The following WDR5 variants were observed in gnomAD, a reference collection of about 807,000 sequenced individuals.
WDR5 encodes WD repeat-containing protein 5.
For synonymous variants in WDR5, 144 were observed against 161.6 expected (o/e 0.89, Z 0.83); for missense variants, 187 against 416.9 (o/e 0.45, Z 4.80).
intron 8 of WDR5, among the ~76,000 whole-genome samples, chr9:134,150,920 G>A (rs1832456047): frequency 6.6e-6 from 1 of 152,216 alleles, no homozygotes; most frequent in Admixed American, 6.5e-5. Context: ...CATTTTAACA[G>A]TGACAAAAAT....
At chr9:134,147,228 T>C (rs2132553234) in intron 7 of WDR5, among the ~76,000 whole-genome samples, 1 of 152,358 alleles carries the variant, frequency 6.6e-6, no homozygotes, top group South Asian at 2.1e-4. Flanking sequence ...TGGCAGGCTC[T>C]TGCAGAGTCT....
intron 10 of WDR5, 131 bp downstream of exon 10, chr9:134,154,672 G>T: frequency 9.5e-7 from 1 of 1,050,492 alleles, no homozygotes; most frequent in Middle Eastern, 2.2e-4. Context: ...TGGAGCTTCG[G>T]CTTCTGGGCA....
upstream of WDR5, chr9:134,135,285 T>TG (rs1249103503): frequency 6.6e-6 from 1 of 152,160 alleles, no homozygotes; most frequent in Non-Finnish European, 1.5e-5. Context: ...AGTCCTCCTC[T>TG]GGGGACCACC....
intron 5 of WDR5, 83 bp from the exon 6 acceptor site, chr9:134,142,250 A>G (rs1588169960): frequency 6.9e-7 from 1 of 1,451,156 alleles, no homozygotes; most frequent in Non-Finnish European, 9.6e-7. Flanking sequence ...ATGCTTTGGG[A>G]TGTCAGACAT....
chr9:134,152,299 C>T (rs1832537097), intron 9 of WDR5, among the ~76,000 whole-genome samples: 1 of 152,242 alleles, frequency 6.6e-6, no homozygotes. Flanking sequence ...ACTCCGGCTG[C>T]TCACTGGAGT....
At chr9:134,141,350 A>T (rs2132532033) in intron 3 of WDR5, among the ~76,000 whole-genome samples, 160 bp from the exon 4 acceptor site, 1 of 152,242 alleles carries the variant, frequency 6.6e-6, no homozygotes, top group South Asian at 2.1e-4. Context: ...GGGGAAGGGG[A>T]CTGGTCCTCT....
chr9:134,153,531 A>T (rs1832597942), intron 9 of WDR5, among the ~76,000 whole-genome samples: 1 of 152,036 alleles, frequency 6.6e-6, no homozygotes, highest in African/African-American at 2.4e-5. Context: ...CCTCACTGTG[A>T]CCTCGGCCTG....
chr9:134,137,582 G>A (rs1051023123), intron 1 of WDR5, among the ~76,000 whole-genome samples: 8 of 150,884 alleles, frequency 5.3e-5, no homozygotes, highest in African/African-American at 2.0e-4. Context: ...TAAACTGGAG[G>A]CTGAGGCGCA....
In WDR5 at chr9:134,141,883, T is replaced by C; in HGVS notation, c.265-66T>C. 8 of 1,490,866 alleles carry C rather than the reference T, an allele frequency of 5.4e-6. No individual in the cohort carries two copies. The South Asian group carries it at 8.0e-5, about 15-fold the overall frequency. The allele number at this position is 1,490,866 out of a possible 1,614,324, so 92.4% of individuals were successfully genotyped here. The stretch of plus-strand genomic sequence containing the variant: ...TGAGGGCAATGGGGATGTTTGGGAT[T>C]TTGACCTTTTGCCGATGGTCCTATT... On this transcript the variant is annotated intron_variant, in intron 4 of 13. Transcript: ENST00000358625.
chr9:134,142,258 C>A, intron 5 of WDR5, 75 bp from the exon 6 acceptor site: 2 of 1,489,326 alleles, frequency 1.3e-6, no homozygotes, highest in Non-Finnish European at 1.9e-6. Context: ...GGATGTCAGA[C>A]ATTGATGAAT....
At chr9:134,151,959 T>A (rs373025975) in intron 8 of WDR5, 24 bp from the exon 9 acceptor site, 9 of 1,612,020 alleles carry the variant, frequency 5.6e-6, no homozygotes, top group Non-Finnish European at 7.6e-6. Flanking sequence ...CTGCTTACGC[T>A]TTTTTGTTCT....
intron 3 of WDR5, among the ~76,000 whole-genome samples, chr9:134,141,038 C>T (rs1365985038): frequency 6.6e-6 from 1 of 152,146 alleles, no homozygotes; most frequent in Non-Finnish European, 1.5e-5. Context: ...AATCTCAGCA[C>T]TTTGGGAGGC....
chr9:134,151,853 A>G, intron 8 of WDR5, 130 bp from the exon 9 acceptor site: 1 of 879,866 alleles, frequency 1.1e-6, no homozygotes, highest in East Asian at 2.4e-5. Context: ...ACTGTTAAAC[A>G]GGTGAAGCAT....
intron 8 of WDR5, among the ~76,000 whole-genome samples, chr9:134,150,175 A>T (rs1421807902): frequency 4.6e-5 from 7 of 152,222 alleles, no homozygotes; most frequent in African/African-American, 1.7e-4. Flanking sequence ...GTGAATGTTG[A>T]TGCCAGGATT....
intron 1 of WDR5, among the ~76,000 whole-genome samples, chr9:134,137,990 C>T (rs1055600165): frequency 9.9e-5 from 15 of 152,218 alleles, no homozygotes; most frequent in Non-Finnish European, 1.9e-4. Flanking sequence ...GATCTGCCCA[C>T]CTCAGCCTCC....
At chr9:134,148,054 T>C (rs1340991849) in intron 7 of WDR5, among the ~76,000 whole-genome samples, 1 of 151,924 alleles carries the variant, frequency 6.6e-6, no homozygotes, top group Non-Finnish European at 1.5e-5. Flanking sequence ...TCCCAGTTAC[T>C]TGGGAGGCTG....
chr9:134,141,367 T>C, intron 3 of WDR5, 143 bp from the exon 4 acceptor site: 1 of 700,774 alleles, frequency 1.4e-6, no homozygotes, highest in Non-Finnish European at 2.5e-6. Flanking sequence ...CTCTCAGGCA[T>C]GTGGCCGTGC....
chr9:134,140,496 G>A (rs181762548), intron 2 of WDR5, among the ~76,000 whole-genome samples: 4 of 152,292 alleles, frequency 2.6e-5, no homozygotes, highest in East Asian at 1.9e-4. Flanking sequence ...AGAAGAGGAG[G>A]TCTTGTGGGG....
At chr9:134,137,999 C>T (rs1164546755) in intron 1 of WDR5, among the ~76,000 whole-genome samples, 1 of 152,196 alleles carries the variant, frequency 6.6e-6, no homozygotes, top group African/African-American at 2.4e-5. Flanking sequence ...ACCTCAGCCT[C>T]CCAAAGTGCT....
Sources: allele counts gnomAD v4.1 joint callset (sites outside exome capture counted in the v4.1 genomes callset), GRCh38; gene constraint gnomAD v4.1.1; transcripts MANE v1.5; gene names NCBI Gene and HGNC (gene_info 2026-07-23, HGNC 2026-07-21).